Variants in UBA1 observed in about 807,000 individuals in gnomAD.
UBA1 encodes the protein ubiquitin-like modifier-activating enzyme 1.
UBA1 carries 4 observed loss-of-function variants against 84.7 expected under a neutral mutation model. The ratio of observed to expected loss-of-function variants is 0.05; its 90% CI spans 0.02 to 0.11. The LOEUF (loss-of-function observed/expected upper bound fraction) is 0.11, where lower values mean the gene tolerates loss of function less well. Ranked by LOEUF, UBA1 falls within the 10% of genes least tolerant of loss-of-function variation. The pLI, the probability that UBA1 is intolerant of heterozygous loss-of-function variation, is 1.00. For synonymous variants in UBA1, 364 were observed against 362.6 expected, an observed-to-expected ratio of 1.00 and a Z score of -0.04; for missense variants, 513 against 902.8, an observed-to-expected ratio of 0.57 and a Z score of 5.53.
At chrX:47,209,408 C>T (rs1556792597) in intron 16 of UBA1, 1 of 516,422 alleles carries the variant, frequency 1.9e-6, no homozygotes, top group South Asian at 2.5e-5. Flanking sequence ...TCTGCCTTAG[C>T]CTCCCAAAGT....
chrX:47,203,516 G>T (rs782362820), intron 13 of UBA1, 25 bp from the exon 14 acceptor site: 1 of 1,211,222 alleles, frequency 8.3e-7, no homozygotes, highest in Non-Finnish European at 1.1e-6. Flanking sequence ...ACCAGCCTCT[G>T]CCTGTCTTCT....
At chrX:47,197,994 T>C in intron 1 of UBA1, 4 of 873,269 alleles carry the variant, frequency 4.6e-6, no homozygotes, top group Non-Finnish European at 5.6e-6. Flanking sequence ...TACTCATTTA[T>C]CATTGTGGTT....
In UBA1 at chrX:47,198,821, T is replaced by A; in HGVS notation, c.19T>A (p.Ser7Thr). ...CCTCCAGATGTCCAGCTCGCCGCTGTCCAAGAAACGTCGCGTGTCCGGGCC... is the reference window on the plus strand; with the variant it reads ...CCTCCAGATGTCCAGCTCGCCGCTGACCAAGAAACGTCGCGTGTCCGGGCC... The part of the protein sequence containing the change: MSSSPL[S>T]KKRRVSGPDP... The change falls in exon 2 of 26, where the codon TCC becomes ACC. Residue 7 changes from serine to threonine, a missense_variant. Physicochemically the swap from Ser to Thr is moderately conservative, Grantham distance 58. Coordinates refer to ENST00000335972, the MANE Select transcript of UBA1 (RefSeq NM_003334.4). 8.3e-7 allele frequency: 1 copy of A among 1,211,988 alleles called. No homozygotes were observed. Among genetic ancestry groups the A allele is most frequent in the Non-Finnish European group, 1.1e-6 (1 of 895,569 alleles).
At chrX:47,206,145 G>A (rs1210145337) in intron 15 of UBA1, 32 bp downstream of exon 15, 2 of 1,185,608 alleles carry the variant, frequency 1.7e-6, no homozygotes, top group Non-Finnish European at 2.3e-6. Flanking sequence ...GTGGTCACGG[G>A]CAAAGTTGTG....
chrX:47,214,258 G>A, intron 23 of UBA1, 69 bp from the exon 24 acceptor site: 2 of 958,787 alleles, frequency 2.1e-6, no homozygotes, highest in South Asian at 1.9e-5. Context: ...GGGTAGGGGG[G>A]ATGGAGACAG....
chrX:47,209,400 T>C, intron 16 of UBA1: 1 of 506,962 alleles, frequency 2.0e-6, no homozygotes, highest in South Asian at 2.6e-5. Flanking sequence ...GTGATCCATC[T>C]GCCTTAGCCT....
At chrX:47,201,219 CGTGGGACCT>C in intron 6 of UBA1, 48 bp from the exon 7 acceptor site, 1 of 1,056,992 alleles carries the variant, frequency 9.5e-7, no homozygotes, top group East Asian at 3.1e-5. Context: ...TTGAGGGACC[CGTGGGACCT>C]GTATGTGCAT....
Position 47,201,552 on chromosome X carries a change from A to G in UBA1, c.753A>G (p.Ser251=), listed in dbSNP as rs141505579. ...GFESGDFVSF[S]EVQGMVELNG... is the part of the protein sequence containing the mutation. ...AGAGCGGGGACTTTGTCTCCTTTTC[A>G]GAAGTACAGGGCATGGTTGAACTCA... The change falls in exon 8 of 26, where the codon TCA becomes TCG. Residue 251 remains serine, a synonymous_variant. Coordinates refer to ENST00000335972, the MANE Select transcript of UBA1 (RefSeq NM_003334.4). The G allele has an allele frequency of 7.6e-5, 92 of 1,210,357 alleles. No individual in the cohort carries two copies. The highest frequency in any genetic ancestry group is 1.7e-4 in the African/African-American group (10 of 57,286).
chrX:47,194,677 A>C (rs782207637), intron 1 of UBA1, among the ~76,000 whole-genome samples: 2 of 110,971 alleles, frequency 1.8e-5, no homozygotes, highest in East Asian at 5.7e-4. Flanking sequence ...TCCTAACCCC[A>C]CCCTGGCCCT....
At position 47,210,000 on chromosome X, in the gene UBA1, G is replaced by C. The variant is rs1556792847; in HGVS notation, c.2076G>C (p.Gln692His). Residue 692 changes from glutamine (Q) to histidine (H), a missense_variant, in exon 18 of 26, where the codon CAG becomes CAC. Physicochemically the swap from Gln to His is conservative, Grantham distance 24. Transcript: ENST00000335972. ...TQPLEVLEAV[Q>H]RSLVLQRPQT... ...CCTTGGAGGTGCTGGAGGCTGTGCA[G>C]CGCAGCCTGGTGCTGCAGCGACCAC... 1 of 1,212,169 alleles carries C rather than the reference G, an allele frequency of 8.2e-7. No individual in the cohort carries two copies. Among genetic ancestry groups the C allele is most frequent in the Non-Finnish European group, 1.1e-6 (1 of 895,523 alleles).
chrX:47,213,741 C>T (rs782092229), intron 23 of UBA1, among the ~76,000 whole-genome samples: 2 of 110,555 alleles, frequency 1.8e-5, no homozygotes, highest in East Asian at 2.8e-4. Context: ...GTGGTAGGCA[C>T]CTGTAATCCC....
intron 1 of UBA1, chrX:47,197,807 G>T (rs1766791069): frequency 4.4e-6 from 2 of 453,727 alleles, no homozygotes; most frequent in African/African-American, 5.3e-5. Flanking sequence ...AGCTCAGTGT[G>T]TGGGAACCTT....
Position 47,214,389 on chromosome X carries a change from TGAG to T in UBA1, c.2905_2907del (p.Glu969del). ...AGGTACAAGGGCTGCAGCCTAATGG[TGAG>T]GAGATGACCCTCAAACAGTTCCTCG... On this transcript the variant is annotated inframe_deletion, in exon 24 of 26. Coordinates refer to ENST00000335972, the MANE Select transcript of UBA1 (RefSeq NM_003334.4). 6.6e-6 allele frequency: 8 copies of T among 1,210,869 alleles called. No homozygotes were observed. The highest frequency in any genetic ancestry group is 8.9e-6 in the Non-Finnish European group (8 of 895,208).
At chrX:47,209,457 T>C (rs1556792624) in intron 16 of UBA1, 166 bp from the exon 17 acceptor site, 9 of 540,038 alleles carry the variant, frequency 1.7e-5, no homozygotes, top group Non-Finnish European at 2.7e-5. Context: ...CCTGGCCTGG[T>C]TTTTCAATTG....
chrX:47,197,078 C>T (rs1341586195), intron 1 of UBA1: 1 of 750,019 alleles, frequency 1.3e-6, no homozygotes, highest in African/African-American at 2.3e-5. Flanking sequence ...TCTCTACTAA[C>T]TCACCAAGCC....
intron 1 of UBA1, chrX:47,198,435 C>A: frequency 2.0e-6 from 1 of 507,366 alleles, no homozygotes; most frequent in Non-Finnish European, 3.0e-6. Flanking sequence ...TAGTGCGTGG[C>A]AGGCTCAAGA....
chrX:47,195,906 G>C (rs1259697472), intron 1 of UBA1, among the ~76,000 whole-genome samples: 2 of 110,680 alleles, frequency 1.8e-5, no homozygotes, highest in Non-Finnish European at 3.8e-5. Context: ...ATTATTTTTG[G>C]TTAAAGATTT....
intron 15 of UBA1, 51 bp from the exon 16 acceptor site, chrX:47,206,197 C>T (rs374173159): frequency 1.1e-4 from 127 of 1,177,404 alleles, no homozygotes; most frequent in Non-Finnish European, 1.4e-4. Flanking sequence ...GTCCGTCTTT[C>T]TGTCCTCTCC....
At chrX:47,192,906 C>G (rs1406167759), upstream of UBA1, among the ~76,000 whole-genome samples, 1 of 112,078 alleles carries the variant, frequency 8.9e-6, no homozygotes, top group Admixed American at 9.5e-5. Context: ...TTACTATCCT[C>G]ATTTTACAGT....
Sources: allele counts gnomAD v4.1 joint callset (sites outside exome capture counted in the v4.1 genomes callset), GRCh38; gene constraint gnomAD v4.1.1; transcripts MANE v1.5; gene names NCBI Gene and HGNC (gene_info 2026-07-23, HGNC 2026-07-21).